The following COLEC12 variants were observed in gnomAD, a reference collection of about 807,000 sequenced individuals.
COLEC12 encodes the protein collectin-12.
COLEC12 carries 33 observed loss-of-function variants against 71.1 expected under a neutral mutation model. The observed-to-expected ratio is 0.46, with a 90% CI of 0.35 to 0.62. COLEC12 has a LOEUF of 0.62. Ranked by LOEUF, COLEC12 falls within the 20% of genes least tolerant of loss-of-function variation. The probability of loss-of-function intolerance (pLI) is 0.00; values close to 1 mark genes in which losing one functional copy is unlikely to be tolerated. For missense variants in COLEC12, 765 were observed against 916.1 expected (o/e 0.84, Z 2.13); for synonymous variants, 350 against 353.0 (o/e 0.99, Z 0.10).
At chr18:401,113 G>A (rs1915676346) in intron 2 of COLEC12, among the ~76,000 whole-genome samples, 1 of 152,158 alleles carries the variant, frequency 6.6e-6, no homozygotes, top group African/African-American at 2.4e-5. Context: ...GAAGGCAAGG[G>A]TGGAGTGGAA....
At chr18:368,602 G>A (rs111988158) in intron 2 of COLEC12, among the ~76,000 whole-genome samples, 7 of 147,958 alleles carry the variant, frequency 4.7e-5, no homozygotes, top group Non-Finnish European at 4.5e-5. Context: ...CGGTGGCTCA[G>A]GCCTGTAATC....
chr18:462,524 T>C (rs1169664473), intron 2 of COLEC12, among the ~76,000 whole-genome samples: 5 of 151,338 alleles, frequency 3.3e-5, no homozygotes, highest in African/African-American at 1.2e-4. Context: ...TGAAAGGGAG[T>C]TGGAGGGAAA....
chr18:485,607 C>T lies in COLEC12; in HGVS notation c.8-4850G>A, dbSNP rs557510176. On this transcript the variant is annotated intron_variant, in intron 1 of 9. Transcript: ENST00000400256. ...TTTCTACTTTCCTCAGTAACTGGCA[C>T]AGAGCCACATTGGGGCCAGAGATTT... Among the ~76,000 whole-genome samples, 7 of 152,330 alleles carry T rather than the reference C, an allele frequency of 4.6e-5. No homozygotes were observed. The South Asian group carries it at 1.2e-3, about 27-fold the overall frequency.
chr18:348,659 T>C (rs1914439281), intron 3 of COLEC12, among the ~76,000 whole-genome samples: 2 of 152,156 alleles, frequency 1.3e-5, no homozygotes, highest in Non-Finnish European at 2.9e-5. Context: ...CATAGAAAGG[T>C]TGCAAAGTCA....
chr18:376,768 C>A (rs1391871101), intron 2 of COLEC12, among the ~76,000 whole-genome samples: 1 of 152,164 alleles, frequency 6.6e-6, no homozygotes, highest in African/African-American at 2.4e-5. Context: ...TCTTTCTCTG[C>A]AGGGTTATTC....
At chr18:380,800 CA>C (rs1915215653) in intron 2 of COLEC12, among the ~76,000 whole-genome samples, 1 of 152,144 alleles carries the variant, frequency 6.6e-6, no homozygotes. Flanking sequence ...CTCATCTGCA[CA>C]GGCCTCAGCT....
chr18:494,653 T>TA (rs1917677700), intron 1 of COLEC12, among the ~76,000 whole-genome samples: 1 of 152,196 alleles, frequency 6.6e-6, no homozygotes, highest in East Asian at 1.9e-4. Flanking sequence ...TTAAAGCATA[T>TA]ATTATCTACT....
At position 422,910 on chromosome 18, in the gene COLEC12, G is replaced by A. The variant is rs140353718; in HGVS notation, c.58+57797C>T. The stretch of plus-strand genomic sequence containing the variant: ...TAGTTTTTAGAAATAAGACACAACT[G>A]GACCCACAGCCAGCCAGCCCAAGAA... On this transcript the variant is annotated intron_variant, in intron 2 of 9. Coordinates refer to ENST00000400256, the MANE Select transcript of COLEC12 (RefSeq NM_130386.3). 4.7e-4 allele frequency among the ~76,000 whole-genome samples: 72 copies of A among 152,266 alleles called. 1 individual carries two copies. The East Asian group carries it at 0.012, about 26-fold the overall frequency.
At chr18:463,518 T>C (rs1295770030) in intron 2 of COLEC12, among the ~76,000 whole-genome samples, 1 of 152,160 alleles carries the variant, frequency 6.6e-6, no homozygotes, top group Non-Finnish European at 1.5e-5. Flanking sequence ...GGTGGCAGCA[T>C]GTGTCGTAAA....
At chr18:368,850 A>G (rs1416406879) in intron 2 of COLEC12, among the ~76,000 whole-genome samples, 1 of 152,348 alleles carries the variant, frequency 6.6e-6, no homozygotes, top group Non-Finnish European at 1.5e-5. Flanking sequence ...TGGGCAACAG[A>G]GCGAGACTCC....
chr18:489,873 T>G (rs530542546), intron 1 of COLEC12, among the ~76,000 whole-genome samples: 1 of 152,184 alleles, frequency 6.6e-6, no homozygotes, highest in Non-Finnish European at 1.5e-5. Flanking sequence ...AGTCTGTATA[T>G]AATACTTAAG....
chr18:319,273 T>C lies in COLEC12; in HGVS notation c.*772A>G, dbSNP rs1231397914. On this transcript the variant is annotated 3_prime_UTR_variant, in exon 10 of 10. Coordinates refer to ENST00000400256, the MANE Select transcript of COLEC12 (RefSeq NM_130386.3). ...TTGACACTGGCAAAATCTGCAAGGATATTTCTAGACATTCCAAGTGATTGG... is the reference window on the plus strand; with the variant it reads ...TTGACACTGGCAAAATCTGCAAGGACATTTCTAGACATTCCAAGTGATTGG... 6.8e-6 allele frequency: 1 copy of C among 147,036 alleles called. No homozygotes were observed. Among genetic ancestry groups the C allele is most frequent in the African/African-American group, 2.5e-5 (1 of 39,610 alleles). 9.1% of individuals were successfully genotyped at this position (147,036 alleles called of 1,614,324 possible). A position where few individuals can be genotyped will look rare whatever the true frequency, so the allele number is the denominator to read the frequency against.
At chr18:464,073 G>A (rs551155998) in intron 2 of COLEC12, among the ~76,000 whole-genome samples, 3 of 152,158 alleles carry the variant, frequency 2.0e-5, no homozygotes, top group South Asian at 4.2e-4. Context: ...GCCTGTCCGC[G>A]TGTGCTCACT....
chr18:443,427 G>A lies in COLEC12; in HGVS notation c.58+37280C>T, dbSNP rs191557248. Reference sequence around the variant, plus strand: ...TGTCTTTTGGTTAGTAAAGTGAAACGACTTTAACTTTTTGTTTAAGTATCT... The same window carrying A: ...TGTCTTTTGGTTAGTAAAGTGAAACAACTTTAACTTTTTGTTTAAGTATCT... On this transcript the variant is annotated intron_variant, in intron 2 of 9. Transcript: ENST00000400256. Among the ~76,000 whole-genome samples the A allele has an allele frequency of 2.0e-5, 3 of 152,286 alleles. No homozygotes were observed. In the East Asian group the frequency reaches 5.8e-4, roughly 29 times the overall value.
intron 1 of COLEC12, among the ~76,000 whole-genome samples, chr18:499,512 G>A (rs529848728): frequency 6.6e-6 from 1 of 152,304 alleles, no homozygotes; most frequent in East Asian, 1.9e-4. Context: ...CGATTGCATC[G>A]CCAGGTCTGT....
chr18:460,565 G>A (rs2846672), intron 2 of COLEC12, among the ~76,000 whole-genome samples: 124,072 of 152,224 alleles, frequency 0.82, 50,888 homozygotes, highest in East Asian at 0.99. Flanking sequence ...CCAGTACATT[G>A]CGTGTGTTTT....
rs201264429 is a variant in COLEC12, at chr18:382,290, G to GA, written c.59-24769dup. Reference sequence around the variant, plus strand: ...TCCCTGTATAAATCAGATACAGATGGAAAAAAAATCCCTTTTTCTTTCTGC... The same window carrying GA: ...TCCCTGTATAAATCAGATACAGATGGAAAAAAAAATCCCTTTTTCTTTCTGC... On this transcript the variant is annotated intron_variant, in intron 2 of 9. Transcript: ENST00000400256. Among the ~76,000 whole-genome samples the GA allele has an allele frequency of 6.3e-3, 952 of 151,870 alleles. 2 individuals carry two copies. Among genetic ancestry groups the GA allele is most frequent in the Non-Finnish European group, 0.011 (719 of 67,908 alleles).
intron 2 of COLEC12, among the ~76,000 whole-genome samples, chr18:396,682 C>T (rs1215094827): frequency 6.6e-6 from 1 of 152,250 alleles, no homozygotes; most frequent in Non-Finnish European, 1.5e-5. Context: ...TGGACCAGCC[C>T]TTCTGGAAGC....
chr18:459,921 C>G (rs780134049), intron 2 of COLEC12, among the ~76,000 whole-genome samples: 1 of 152,106 alleles, frequency 6.6e-6, no homozygotes, highest in African/African-American at 2.4e-5. Context: ...TCCAGTAAAC[C>G]ATCATGACCT....
Sources: allele counts gnomAD v4.1 joint callset (sites outside exome capture counted in the v4.1 genomes callset), GRCh38; gene constraint gnomAD v4.1.1; transcripts MANE v1.5; gene names NCBI Gene and HGNC (gene_info 2026-07-23, HGNC 2026-07-21).